Variants in MEGF6 observed in about 807,000 individuals in gnomAD.
The protein encoded by MEGF6 is multiple EGF like domains 6, also known as multiple epidermal growth factor-like domains protein 6.
A neutral mutation model predicts 207.1 loss-of-function variants in MEGF6; 184 were observed. That is an observed-to-expected ratio of 0.89 (90% CI 0.79 to 1.00). The LOEUF is 1.00. Among genes scored for constraint, MEGF6 ranks in the 50% least tolerant of loss-of-function variants. MEGF6 has a pLI of 0.00. For synonymous variants in MEGF6, 1,038 were observed against 910.0 expected (o/e 1.14, Z -2.53); for missense variants, 2,282 against 2,202.9 (o/e 1.04, Z -0.72).
intron 4 of MEGF6, among the ~76,000 whole-genome samples, chr1:3,531,924 C>T (rs2101398584): frequency 6.6e-6 from 1 of 152,308 alleles, no homozygotes; most frequent in South Asian, 2.1e-4. Flanking sequence ...AGCTGCAGCA[C>T]CGATGTGGAA....
chr1:3,518,087 G>C (rs1008759313), intron 5 of MEGF6, among the ~76,000 whole-genome samples: 1 of 152,156 alleles, frequency 6.6e-6, no homozygotes, highest in East Asian at 1.9e-4. Flanking sequence ...ACTGTTGTTG[G>C]GGGACACTCT....
chr1:3,587,110 G>A lies in MEGF6; in HGVS notation c.377-7181C>T, dbSNP rs561626790. ...GTCAGACTCTATTTCATATCTCACA[G>A]GGCACTTTGCCAACAAGGACAAGCT... On this transcript the variant is annotated intron_variant, in intron 3 of 36. Transcript: ENST00000356575. 1.3e-4 allele frequency among the ~76,000 whole-genome samples: 20 copies of A among 152,368 alleles called. No individual in the cohort carries two copies. In the South Asian group the frequency reaches 1.4e-3, roughly 11 times the overall value.
intron 1 of MEGF6, among the ~76,000 whole-genome samples, chr1:3,606,869 G>T (rs538689671): frequency 2.6e-5 from 4 of 152,268 alleles, no homozygotes; most frequent in African/African-American, 9.6e-5. Flanking sequence ...CTGTGCTGAG[G>T]GCAGCCACTG....
At chr1:3,549,884 G>C (rs141683088) in intron 4 of MEGF6, among the ~76,000 whole-genome samples, 1 of 152,202 alleles carries the variant, frequency 6.6e-6, no homozygotes, top group Admixed American at 6.5e-5. Flanking sequence ...TCCAAGCACA[G>C]GCACGGGTGG....
chr1:3,612,272 G>A (rs1484901421), upstream of MEGF6, among the ~76,000 whole-genome samples: 1 of 152,062 alleles, frequency 6.6e-6, no homozygotes, highest in East Asian at 1.9e-4. Context: ...AGGAGGAGGC[G>A]CTAATTTCTA....
intron 4 of MEGF6, among the ~76,000 whole-genome samples, chr1:3,561,563 CA>C (rs1394499254): frequency 6.6e-6 from 1 of 152,210 alleles, no homozygotes; most frequent in Non-Finnish European, 1.5e-5. Flanking sequence ...CCCGCAGGGA[CA>C]GAGTCACAGA....
At position 3,496,023 on chromosome 1, in the gene MEGF6, C is replaced by T. The variant is rs373448187; in HGVS notation, c.3743-5G>A. On this transcript the variant is annotated splice_polypyrimidine_tract_variant and splice_region_variant and intron_variant, in intron 29 of 36. Coordinates refer to ENST00000356575, the MANE Select transcript of MEGF6 (RefSeq NM_001409.4). The stretch of plus-strand genomic sequence containing the variant: ...CGAAGCGGCCCTGCGGACAGGCTGC[C>T]GGGGAGGAAGTGGTGATCGTGGCTG... 92 of 1,511,864 alleles carry T rather than the reference C, an allele frequency of 6.1e-5. No homozygotes were observed. In the African/African-American group the frequency reaches 6.6e-4, roughly 11 times the overall value. 93.7% of individuals were successfully genotyped at this position (1,511,864 alleles called of 1,614,324 possible).
intron 34 of MEGF6, chr1:3,493,091 G>A (rs1159751195): frequency 5.2e-6 from 2 of 381,168 alleles, no homozygotes; most frequent in Admixed American, 4.0e-5. Context: ...GCCCCCTCAG[G>A]GCACAACAGG....
chr1:3,581,890 C>T lies in MEGF6; in HGVS notation c.377-1961G>A, dbSNP rs527439568. ...GCCCCTCTCCTGGAGCCCGTGCACA[C>T]CACCCTGTGTCCCTCCCCTAAACCC... On this transcript the variant is annotated intron_variant, in intron 3 of 36. Transcript: ENST00000356575. Among the ~76,000 whole-genome samples the T allele has an allele frequency of 2.0e-5, 3 of 152,272 alleles. No homozygotes were observed. The East Asian group carries it at 5.8e-4, about 29-fold the overall frequency.
intron 4 of MEGF6, among the ~76,000 whole-genome samples, chr1:3,567,120 T>G (rs956718214): frequency 2.6e-5 from 4 of 152,222 alleles, no homozygotes; most frequent in Non-Finnish European, 5.9e-5. Context: ...GGTCGCACGG[T>G]GCTGGCAGAT....
At chr1:3,523,795 T>A (rs1397928394) in intron 5 of MEGF6, among the ~76,000 whole-genome samples, 1 of 152,206 alleles carries the variant, frequency 6.6e-6, no homozygotes, top group Non-Finnish European at 1.5e-5. Flanking sequence ...GTAGAGAATC[T>A]TTAATAGGAT....
At chr1:3,604,044 G>A (rs866017435) in intron 1 of MEGF6, among the ~76,000 whole-genome samples, 1 of 152,164 alleles carries the variant, frequency 6.6e-6, no homozygotes, top group African/African-American at 2.4e-5. Flanking sequence ...GGGACAGCAG[G>A]GGCTCCACCA....
chr1:3,557,190 G>C (rs1241758288), intron 4 of MEGF6, among the ~76,000 whole-genome samples: 1 of 152,226 alleles, frequency 6.6e-6, no homozygotes, highest in Non-Finnish European at 1.5e-5. Flanking sequence ...GACCAGCCCT[G>C]ACAAGACCTT....
chr1:3,526,901 G>A (rs902383932), intron 4 of MEGF6, among the ~76,000 whole-genome samples: 3 of 152,286 alleles, frequency 2.0e-5, no homozygotes, highest in Admixed American at 6.5e-5. Context: ...ACCTTGCCTC[G>A]AGAGGGAAGG....
intron 4 of MEGF6, among the ~76,000 whole-genome samples, chr1:3,549,108 GCGC>G (rs1642806356): frequency 6.6e-6 from 1 of 152,028 alleles, no homozygotes; most frequent in Non-Finnish European, 1.5e-5. Flanking sequence ...CCGTGGCTCC[GCGC>G]TGGGTGATCT....
Position 3,499,607 on chromosome 1 carries a change from C to T in MEGF6, c.2946G>A (p.Arg982=). ...NGSCLCPAGR[R]GPRCAETCPA... is the part of the protein sequence containing the mutation. ...ACGCACTCTCGGCACAGCGGGGGCC[C>T]CGGCGGCCAGCGGGGCAGAGGCAGG... The change falls in exon 23 of 37, where the codon CGG becomes CGA. Residue 982 remains arginine (R), a synonymous_variant. Coordinates refer to ENST00000356575, the MANE Select transcript of MEGF6 (RefSeq NM_001409.4). The T allele has an allele frequency of 6.3e-7, 1 of 1,584,096 alleles. No homozygotes were observed. The highest frequency in any genetic ancestry group is 8.6e-7 in the Non-Finnish European group (1 of 1,166,338).
At chr1:3,568,649 C>T (rs975280933) in intron 4 of MEGF6, among the ~76,000 whole-genome samples, 1 of 152,186 alleles carries the variant, frequency 6.6e-6, no homozygotes, top group Non-Finnish European at 1.5e-5. Flanking sequence ...TGCCCCCATG[C>T]CCTGCCCTGG....
intron 4 of MEGF6, among the ~76,000 whole-genome samples, chr1:3,549,362 A>G (rs1200491971): frequency 6.6e-6 from 1 of 152,224 alleles, no homozygotes; most frequent in Non-Finnish European, 1.5e-5. Context: ...CCCCATGGCC[A>G]CAGGCAGACC....
At chr1:3,591,931 A>T (rs1230394214) in intron 3 of MEGF6, among the ~76,000 whole-genome samples, 1 of 152,056 alleles carries the variant, frequency 6.6e-6, no homozygotes, top group East Asian at 1.9e-4. Flanking sequence ...AGCGACCTGG[A>T]GGGAACTGAG....
Sources: allele counts gnomAD v4.1 joint callset (sites outside exome capture counted in the v4.1 genomes callset), GRCh38; gene constraint gnomAD v4.1.1; transcripts MANE v1.5; gene names NCBI Gene and HGNC (gene_info 2026-07-23, HGNC 2026-07-21).